The following ENOX1 variants were observed in gnomAD, a reference collection of about 807,000 sequenced individuals.
ENOX1 encodes candidate growth-related and time keeping constitutive hydroquinone (NADH) oxidase.
ENOX1 carries 42 observed loss-of-function variants against 82.5 expected under a neutral mutation model. That is an observed-to-expected ratio of 0.51 (90% confidence interval 0.40 to 0.66). The LOEUF is 0.66. Ranked by LOEUF, ENOX1 falls within the 30% of genes least tolerant of loss-of-function variation. The probability of loss-of-function intolerance (pLI) is 0.00; values close to 1 mark genes in which losing one functional copy is unlikely to be tolerated. For synonymous variants in ENOX1, 271 were observed against 282.2 expected, an observed-to-expected ratio of 0.96 and a Z score of 0.40; for missense variants, 608 against 811.6, an observed-to-expected ratio of 0.75 and a Z score of 3.05.
At chr13:43,485,883 C>T (rs992435626) in intron 2 of ENOX1, among the ~76,000 whole-genome samples, 3 of 152,170 alleles carry the variant, frequency 2.0e-5, no homozygotes, top group African/African-American at 7.2e-5. Flanking sequence ...CAAGACCAGC[C>T]TGGCCAATGT....
At chr13:43,344,811 T>C (rs2049283599) in intron 8 of ENOX1, 61 bp from the exon 9 acceptor site, 8 of 1,537,330 alleles carry the variant, frequency 5.2e-6, no homozygotes, top group Non-Finnish European at 7.2e-6. Context: ...ACTTTATTCT[T>C]GTTCCTCTCA....
At chr13:43,466,718 G>A (rs1402742711) in intron 3 of ENOX1, among the ~76,000 whole-genome samples, 2 of 152,082 alleles carry the variant, frequency 1.3e-5, no homozygotes, top group Non-Finnish European at 2.9e-5. Context: ...TCACAAAGTT[G>A]TGTGACCATT....
Position 43,424,160 on chromosome 13 carries a change from G to A in ENOX1, c.-74-11172C>T, listed in dbSNP as rs117687255. Among the ~76,000 whole-genome samples, 7 of 152,244 alleles carry A rather than the reference G, an allele frequency of 4.6e-5. No homozygotes were observed. The East Asian group carries it at 9.6e-4, about 21-fold the overall frequency. The stretch of plus-strand genomic sequence containing the variant: ...AGAAAGGCAATGTTGGTCACATCCC[G>A]GCCTCTTCAGCTGCACTGATACACA... On this transcript the variant is annotated intron_variant, in intron 3 of 16. Coordinates refer to ENST00000690772, the MANE Select transcript of ENOX1 (RefSeq NM_001347969.2).
chr13:43,433,086 C>G (rs185562684), intron 3 of ENOX1, among the ~76,000 whole-genome samples: 5 of 152,072 alleles, frequency 3.3e-5, no homozygotes, highest in Non-Finnish European at 5.9e-5. Flanking sequence ...ATACCCGAGG[C>G]CAAGTACTTT....
intron 2 of ENOX1, among the ~76,000 whole-genome samples, chr13:43,593,488 A>G (rs1030844304): frequency 2.5e-4 from 2 of 7,930 alleles, no homozygotes; most frequent in Non-Finnish European, 0.021. Context: ...ACAAAACAAA[A>G]CAAAGAAGCC....
At chr13:43,342,602 G>C (rs952602211) in intron 9 of ENOX1, among the ~76,000 whole-genome samples, 8 of 152,134 alleles carry the variant, frequency 5.3e-5, no homozygotes, top group African/African-American at 1.9e-4. Context: ...AGCCTGCCCA[G>C]GGGGAGTGCC....
chr13:43,661,622 T>C (rs572927678), intron 2 of ENOX1, among the ~76,000 whole-genome samples: 44 of 152,264 alleles, frequency 2.9e-4, no homozygotes, highest in South Asian at 1.9e-3. Context: ...CACTAAATAA[T>C]ACAGAGATCC....
At chr13:43,422,222 A>T (rs189065452) in intron 3 of ENOX1, among the ~76,000 whole-genome samples, 68 of 152,254 alleles carry the variant, frequency 4.5e-4, no homozygotes, top group African/African-American at 1.6e-3. Context: ...CTGGCAACCA[A>T]TGTAGGATCA....
chr13:43,618,121 TTGTCAGAATGTATAGACTGTGA>T lies in ENOX1; in HGVS notation c.-219+49336_-219+49357del, dbSNP rs1457503813. Among the ~76,000 whole-genome samples the T allele has an allele frequency of 9.2e-5, 14 of 152,284 alleles. No homozygotes were observed. The East Asian group carries it at 2.3e-3, about 25-fold the overall frequency. The stretch of plus-strand genomic sequence containing the variant: ...TGAGTTCGTTGTAGATTCTGGACAT[TTGTCAGAATGTATAGACTGTGA>T]AGTCCTTTGTCAGATGTATAGACTG... On this transcript the variant is annotated intron_variant, in intron 2 of 16. Transcript: ENST00000690772.
chr13:43,648,287 T>C (rs909731177), intron 2 of ENOX1, among the ~76,000 whole-genome samples: 2 of 152,170 alleles, frequency 1.3e-5, no homozygotes, highest in African/African-American at 4.8e-5. Context: ...ATTGAGCACC[T>C]ACCACAGCCC....
chr13:43,660,000 C>T (rs1220642820), intron 2 of ENOX1, among the ~76,000 whole-genome samples: 1 of 152,150 alleles, frequency 6.6e-6, no homozygotes, highest in African/African-American at 2.4e-5. Context: ...ATCTTCATCC[C>T]TCTGTTGGAG....
chr13:43,342,471 T>G (rs1035629771), intron 9 of ENOX1, among the ~76,000 whole-genome samples: 5 of 152,144 alleles, frequency 3.3e-5, no homozygotes, highest in Non-Finnish European at 7.4e-5. Flanking sequence ...GGATTCCACT[T>G]TTGATATTTC....
intron 1 of ENOX1, among the ~76,000 whole-genome samples, chr13:43,673,844 T>C (rs910783841): frequency 2.0e-5 from 3 of 152,222 alleles, no homozygotes. Flanking sequence ...GAGTACAATG[T>C]GTGACTCAAA....
At chr13:43,227,772 C>T (rs140061567) in intron 15 of ENOX1, among the ~76,000 whole-genome samples, 31 of 152,202 alleles carry the variant, frequency 2.0e-4, no homozygotes, top group African/African-American at 7.2e-4. Context: ...TTAGCTTTTC[C>T]TTATAAGAGT....
In ENOX1 at chr13:43,670,582, G is replaced by A. The variant is rs150722093; in HGVS notation, c.-284-3038C>T. Reference sequence around the variant, plus strand: ...TTTGAAGGAAAATAGGGCTGGGAGCGGTGGCTCATGCCTGTAATCCCAGCA... The same window carrying A: ...TTTGAAGGAAAATAGGGCTGGGAGCAGTGGCTCATGCCTGTAATCCCAGCA... On this transcript the variant is annotated intron_variant, in intron 1 of 16. Transcript: ENST00000690772. Among the ~76,000 whole-genome samples, 87 of 152,206 alleles carry A rather than the reference G, an allele frequency of 5.7e-4. 1 individual carries two copies. The highest frequency in any genetic ancestry group is 8.7e-4 in the Non-Finnish European group (59 of 68,012).
Position 43,298,614 on chromosome 13 carries a change from C to G in ENOX1, c.1262-84G>C, listed in dbSNP as rs911929638. ...CTTCTGTGGGAAAGGGAGTCTGTCA[C>G]CCAAGTTCTTAATGTTTGTACCAGC... On this transcript the variant is annotated intron_variant, in intron 11 of 16. Coordinates refer to ENST00000690772, the MANE Select transcript of ENOX1 (RefSeq NM_001347969.2). 2.3e-6 allele frequency: 3 copies of G among 1,306,348 alleles called. No homozygotes were observed. In the African/African-American group the frequency reaches 4.4e-5, roughly 19 times the overall value. 80.9% of individuals were successfully genotyped at this position (1,306,348 alleles called of 1,614,324 possible).
Position 43,771,486 on chromosome 13 carries a change from A to T in ENOX1, c.-285+15166T>A, listed in dbSNP as rs562406295. 9.2e-5 allele frequency among the ~76,000 whole-genome samples: 14 copies of T among 151,918 alleles called. No homozygotes were observed. The East Asian group carries it at 2.5e-3, about 27-fold the overall frequency. On this transcript the variant is annotated intron_variant, in intron 1 of 16. Coordinates refer to ENST00000690772, the MANE Select transcript of ENOX1 (RefSeq NM_001347969.2). ...GACCTCTTTCAGTTCTACAATTATA[A>T]CTTAATTAATTAAGTACATTATATA...
intron 2 of ENOX1, among the ~76,000 whole-genome samples, chr13:43,656,621 T>G (rs1299624042): frequency 6.6e-6 from 1 of 152,162 alleles, no homozygotes; most frequent in Non-Finnish European, 1.5e-5. Context: ...GAGAGGGTTT[T>G]AAGGACATAC....
intron 14 of ENOX1, among the ~76,000 whole-genome samples, chr13:43,244,561 G>A (rs1450503687): frequency 6.6e-6 from 1 of 152,168 alleles, no homozygotes; most frequent in Admixed American, 6.5e-5. Flanking sequence ...ATATACAGTT[G>A]TTGTTTTGAA....
Sources: gnomAD v4.1 joint callset for allele counts (sites outside exome capture counted in the v4.1 genomes callset) on GRCh38, gnomAD v4.1.1 for gene constraint, MANE v1.5 for transcripts, NCBI Gene and HGNC (gene_info 2026-07-23, HGNC 2026-07-21) for gene names.